Variants in SYN3 observed in about 807,000 individuals in gnomAD.
SYN3 encodes synapsin-3.
Under a neutral mutation model 65.8 loss-of-function variants are expected in SYN3, and 35 were observed. The ratio of observed to expected loss-of-function variants is 0.53; its 90% CI spans 0.41 to 0.70. The LOEUF (loss-of-function observed/expected upper bound fraction) is 0.70. SYN3 is among the 30% of genes least tolerant of loss of function. The probability of loss-of-function intolerance (pLI) is 0.00; values close to 1 mark genes in which losing one functional copy is unlikely to be tolerated. For synonymous variants in SYN3, 270 were observed against 292.9 expected (o/e 0.92, Z 0.80); for missense variants, 680 against 749.0 (o/e 0.91, Z 1.08).
chr22:32,739,075 T>C (rs2061368692), intron 6 of SYN3, among the ~76,000 whole-genome samples: 1 of 152,042 alleles, frequency 6.6e-6, no homozygotes, highest in Non-Finnish European at 1.5e-5. Context: ...GTGTCTGATA[T>C]GGGTTTGGCT....
intron 3 of SYN3, among the ~76,000 whole-genome samples, chr22:32,949,885 G>T (rs1480084287): frequency 6.6e-6 from 1 of 152,206 alleles, no homozygotes; most frequent in Non-Finnish European, 1.5e-5. Flanking sequence ...AACCAAGAAT[G>T]TGTGGGAATG....
intron 3 of SYN3, among the ~76,000 whole-genome samples, chr22:32,940,791 A>C (rs1463495538): frequency 6.6e-6 from 1 of 152,236 alleles, no homozygotes; most frequent in Non-Finnish European, 1.5e-5. Context: ...CAGATAGTAT[A>C]ATATTCTAAG....
In SYN3 at chr22:32,801,079, T is replaced by C. The variant is rs2046559122; in HGVS notation, c.711+63836A>G. Among the ~76,000 whole-genome samples, 1 of 152,252 alleles carries C rather than the reference T, an allele frequency of 6.6e-6. No individual in the cohort carries two copies. ...TGTTGAATGAATACAGAACCCCGTT[T>C]GCTCTGGGAGAGCACAGAAAACAGT... On this transcript the variant is annotated intron_variant, in intron 6 of 13. Coordinates refer to ENST00000358763, the MANE Select transcript of SYN3 (RefSeq NM_003490.4). The surrounding 1 kb of genome is among the most constrained non-coding windows in gnomAD (Gnocchi z 4.7).
At chr22:32,915,762 T>G (rs1209671615) in intron 4 of SYN3, among the ~76,000 whole-genome samples, 7 of 152,196 alleles carry the variant, frequency 4.6e-5, no homozygotes, top group African/African-American at 1.7e-4. Flanking sequence ...GATTGTGAAT[T>G]TCATTCTAAC....
intron 6 of SYN3, among the ~76,000 whole-genome samples, chr22:32,847,989 A>AT (rs1027745546): frequency 4.6e-5 from 7 of 152,166 alleles, no homozygotes; most frequent in African/African-American, 1.4e-4. Context: ...TTATTAGACG[A>AT]TTTTTTTCTT....
At chr22:32,639,508 C>T (rs1159064647) in intron 6 of SYN3, among the ~76,000 whole-genome samples, 1 of 152,006 alleles carries the variant, frequency 6.6e-6, no homozygotes, top group Non-Finnish European at 1.5e-5. Context: ...GCCTCTTTTG[C>T]TTCTTTCATG....
intron 4 of SYN3, among the ~76,000 whole-genome samples, chr22:32,882,917 A>T (rs4450): frequency 0.56 from 84,972 of 150,850 alleles, 24,590 homozygotes; most frequent in African/African-American, 0.64. Context: ...CCCCCCAACC[A>T]GCTCCTCTAA....
intron 6 of SYN3, among the ~76,000 whole-genome samples, chr22:32,662,744 C>G (rs1372502035): frequency 1.3e-5 from 2 of 152,220 alleles, no homozygotes; most frequent in African/African-American, 4.8e-5. Flanking sequence ...TTATGTACCT[C>G]AGCATCCTCC....
intron 7 of SYN3, among the ~76,000 whole-genome samples, chr22:32,593,786 G>A (rs2059159723): frequency 6.6e-6 from 1 of 152,174 alleles, no homozygotes; most frequent in African/African-American, 2.4e-5. Context: ...CATGCAGATG[G>A]CAGCTGAAGC....
intron 6 of SYN3, among the ~76,000 whole-genome samples, chr22:32,612,029 G>T (rs1018624832): frequency 4.6e-5 from 7 of 151,760 alleles, no homozygotes; most frequent in African/African-American, 1.7e-4. Context: ...CTTCCGGGTT[G>T]CTGAAAACCT....
At chr22:32,616,309 G>A (rs2059519497) in intron 6 of SYN3, among the ~76,000 whole-genome samples, 1 of 152,150 alleles carries the variant, frequency 6.6e-6, no homozygotes, top group Non-Finnish European at 1.5e-5. Flanking sequence ...AACTTCCAGG[G>A]TCTCTGACAG....
chr22:32,754,609 C>T (rs2045238074), intron 6 of SYN3, among the ~76,000 whole-genome samples: 1 of 152,192 alleles, frequency 6.6e-6, no homozygotes, highest in African/African-American at 2.4e-5. Context: ...TGCAGAATCT[C>T]GCCTTGTCTT....
intron 6 of SYN3, among the ~76,000 whole-genome samples, chr22:32,707,162 A>G (rs1015674516): frequency 2.6e-5 from 4 of 152,222 alleles, no homozygotes; most frequent in Non-Finnish European, 5.9e-5. Context: ...CATGATGGGT[A>G]ATGAATGAAT....
At chr22:32,768,247 G>T (rs550340765) in intron 6 of SYN3, among the ~76,000 whole-genome samples, 2 of 152,058 alleles carry the variant, frequency 1.3e-5, no homozygotes, top group African/African-American at 4.8e-5. Flanking sequence ...CCTTCTCCTT[G>T]GTCTCCCTGA....
intron 6 of SYN3, among the ~76,000 whole-genome samples, chr22:32,685,493 T>C (rs1461614145): frequency 1.3e-5 from 2 of 152,206 alleles, no homozygotes; most frequent in African/African-American, 4.8e-5. Flanking sequence ...ACTTCTTATC[T>C]TGTGGCCATA....
rs1209489663 is a variant in SYN3, at chr22:32,508,839, C to T, written c.*4853G>A. Among the ~76,000 whole-genome samples the T allele has an allele frequency of 6.6e-6, 1 of 152,186 alleles. No individual in the cohort carries two copies. Among genetic ancestry groups the T allele is most frequent in the East Asian group, 1.9e-4 (1 of 5,198 alleles). ...TGCTCTGAGCTTCACTCTCTTGACC[C>T]ATGCACAAGATACCTGCACTAGCTT... On this transcript the variant is annotated 3_prime_UTR_variant, in exon 14 of 14. Coordinates refer to ENST00000358763, the MANE Select transcript of SYN3 (RefSeq NM_003490.4).
chr22:32,812,239 A>G (rs1022305163), intron 6 of SYN3, among the ~76,000 whole-genome samples: 9 of 152,212 alleles, frequency 5.9e-5, no homozygotes, highest in South Asian at 4.1e-4. Flanking sequence ...CAGCACCTAA[A>G]TCTGTCAACC....
chr22:32,732,735 G>A (rs1331057322), intron 6 of SYN3, among the ~76,000 whole-genome samples: 1 of 152,194 alleles, frequency 6.6e-6, no homozygotes, highest in Non-Finnish European at 1.5e-5. Context: ...AGATCTTAAG[G>A]TTCCTGAAGG....
At chr22:33,028,048 G>T (rs2053668773) in intron 1 of SYN3, among the ~76,000 whole-genome samples, 1 of 152,182 alleles carries the variant, frequency 6.6e-6, no homozygotes. Flanking sequence ...GTTCAGTGGT[G>T]GAGCTGGGAT....
Sources: gnomAD v4.1 joint callset for allele counts (sites outside exome capture counted in the v4.1 genomes callset) on GRCh38, gnomAD v4.1.1 for gene constraint, Gnocchi (gnomAD v3.1) non-coding constraint, MANE v1.5 for transcripts, NCBI Gene and HGNC (gene_info 2026-07-23, HGNC 2026-07-21) for gene names.